The following CCSER1 variants were observed in gnomAD, a reference collection of about 807,000 sequenced individuals.
CCSER1 encodes serine-rich coiled-coil domain-containing protein 1.
CCSER1 carries 41 observed loss-of-function variants against 82.0 expected under a neutral mutation model. That is an observed-to-expected ratio of 0.50 (90% confidence interval 0.39 to 0.65). The LOEUF (loss-of-function observed/expected upper bound fraction) is 0.65, where lower values mean the gene tolerates loss of function less well. Ranked by LOEUF, CCSER1 falls within the 30% of genes least tolerant of loss-of-function variation. The pLI, the probability that CCSER1 is intolerant of heterozygous loss-of-function variation, is 0.00. For missense variants in CCSER1, 1,119 were observed against 1,064.2 expected (o/e 1.05, Z -0.72); for synonymous variants, 414 against 383.9 (o/e 1.08, Z -0.92).
chr4:90,821,706 T>A (rs1759743026), intron 8 of CCSER1, among the ~76,000 whole-genome samples: 1 of 152,200 alleles, frequency 6.6e-6, no homozygotes, highest in South Asian at 2.1e-4. Context: ...ATCATAAGTT[T>A]AATTTATTAC....
intron 5 of CCSER1, among the ~76,000 whole-genome samples, chr4:90,573,049 A>C (rs540073274): frequency 7.9e-5 from 12 of 152,360 alleles, no homozygotes. Context: ...CAGCACTGCC[A>C]GAACCCTGGG....
At chr4:91,350,358 T>C (rs1748391373) in intron 10 of CCSER1, among the ~76,000 whole-genome samples, 1 of 152,182 alleles carries the variant, frequency 6.6e-6, no homozygotes, top group South Asian at 2.1e-4. Context: ...TATACTTACC[T>C]TAAAAACCTG....
At chr4:90,309,848 C>T (rs1004526791) in intron 2 of CCSER1, among the ~76,000 whole-genome samples, 5 of 151,888 alleles carry the variant, frequency 3.3e-5, no homozygotes, top group Non-Finnish European at 7.4e-5. Context: ...CTTATGTTAT[C>T]CATAACTAAG....
At chr4:91,229,061 T>C (rs528127573) in intron 10 of CCSER1, among the ~76,000 whole-genome samples, 24 of 152,088 alleles carry the variant, frequency 1.6e-4, no homozygotes, top group Admixed American at 4.6e-4. Context: ...ATAAATCACA[T>C]TGAATCATCA....
At chr4:90,301,703 G>A (rs539273650) in intron 1 of CCSER1, among the ~76,000 whole-genome samples, 19 of 152,104 alleles carry the variant, frequency 1.2e-4, no homozygotes, top group South Asian at 8.3e-4. Flanking sequence ...TATTATTAAA[G>A]TGACTATGAC....
rs557037697 is a variant in CCSER1, at chr4:91,177,683, A to C, written c.2217+91689A>C. On this transcript the variant is annotated intron_variant, in intron 10 of 10. Transcript: ENST00000509176. Reference sequence around the variant, plus strand: ...TGGTGATATCCCCTTTAACATTTTTAATACATCTATTTGATTCTTCTCTCT... The same window carrying C: ...TGGTGATATCCCCTTTAACATTTTTCATACATCTATTTGATTCTTCTCTCT... 2.3e-3 allele frequency among the ~76,000 whole-genome samples: 356 copies of C among 152,166 alleles called. 2 individuals are homozygous for C. The highest frequency in any genetic ancestry group is 7.9e-3 in the African/African-American group (330 of 41,514).
intron 10 of CCSER1, among the ~76,000 whole-genome samples, chr4:91,152,367 TC>T (rs1056677129): frequency 6.6e-6 from 1 of 152,224 alleles, no homozygotes; most frequent in African/African-American, 2.4e-5. Context: ...CCTATGTGTG[TC>T]TCTGCACATG....
At chr4:91,060,534 G>A (rs1352894417) in intron 9 of CCSER1, among the ~76,000 whole-genome samples, 12 of 152,004 alleles carry the variant, frequency 7.9e-5, no homozygotes, top group Non-Finnish European at 2.9e-5. Flanking sequence ...TCTGAAGCAA[G>A]TTCTTTCAAA....
chr4:91,277,697 C>T (rs536608437), intron 10 of CCSER1, among the ~76,000 whole-genome samples: 1 of 151,208 alleles, frequency 6.6e-6, no homozygotes, highest in Non-Finnish European at 1.5e-5. Flanking sequence ...TCTGCTATGA[C>T]TTTTATTATT....
At chr4:90,931,533 A>C (rs1218208919) in intron 9 of CCSER1, among the ~76,000 whole-genome samples, 1 of 152,176 alleles carries the variant, frequency 6.6e-6, no homozygotes, top group Non-Finnish European at 1.5e-5. Flanking sequence ...CTTCTAATGA[A>C]ATAGTGATAA....
In CCSER1 at chr4:90,824,840, G is replaced by A. The variant is rs147113402; in HGVS notation, c.2094+8995G>A. Reference sequence around the variant, plus strand: ...TACGAACAGAAAAGTAATAGATTAGGTATACTTAAACATTATTAAAGTGTC... The same window carrying A: ...TACGAACAGAAAAGTAATAGATTAGATATACTTAAACATTATTAAAGTGTC... On this transcript the variant is annotated intron_variant, in intron 8 of 10. Transcript: ENST00000509176. Among the ~76,000 whole-genome samples, 192 of 152,144 alleles carry A rather than the reference G, an allele frequency of 1.3e-3. 4 individuals carry two copies. Among genetic ancestry groups the A allele is most frequent in the East Asian group, 2.9e-3 (15 of 5,174 alleles).
chr4:91,164,028 T>C (rs897686391), intron 10 of CCSER1, among the ~76,000 whole-genome samples: 2 of 152,224 alleles, frequency 1.3e-5, no homozygotes, highest in African/African-American at 4.8e-5. Flanking sequence ...CAAGCATCGA[T>C]GGCCTTTACC....
At chr4:90,534,409 G>A (rs1026992635) in intron 5 of CCSER1, among the ~76,000 whole-genome samples, 6 of 151,926 alleles carry the variant, frequency 3.9e-5, no homozygotes, top group African/African-American at 7.3e-5. Flanking sequence ...GATTACAGGC[G>A]TGAGCCACCG....
intron 4 of CCSER1, among the ~76,000 whole-genome samples, chr4:90,440,578 G>A (rs907261899): frequency 2.6e-5 from 4 of 152,156 alleles, no homozygotes; most frequent in Non-Finnish European, 4.4e-5. Context: ...GCAGTTGGTG[G>A]GCAAATGTTC....
chr4:91,591,090 G>A (rs1764244646), intron 10 of CCSER1, among the ~76,000 whole-genome samples: 1 of 152,050 alleles, frequency 6.6e-6, no homozygotes, highest in South Asian at 2.1e-4. Context: ...GTCACAACTG[G>A]GTGACAGAGA....
At chr4:90,169,562 A>G (rs1462339348) in intron 1 of CCSER1, among the ~76,000 whole-genome samples, 1 of 152,088 alleles carries the variant, frequency 6.6e-6, no homozygotes, top group African/African-American at 2.4e-5. Context: ...ACCATTTGAA[A>G]TGAGATATGA....
chr4:90,710,246 G>A (rs1418432114), intron 6 of CCSER1, among the ~76,000 whole-genome samples: 1 of 151,976 alleles, frequency 6.6e-6, no homozygotes, highest in Admixed American at 6.6e-5. Flanking sequence ...TCTCTAGGTT[G>A]TCACTTCATT....
intron 6 of CCSER1, among the ~76,000 whole-genome samples, chr4:90,674,636 A>C (rs570345303): frequency 2.0e-4 from 30 of 152,028 alleles, no homozygotes; most frequent in African/African-American, 6.7e-4. Context: ...TTCACTAAAA[A>C]ATTATTTAAT....
chr4:91,253,044 A>C (rs1340976848), intron 10 of CCSER1, among the ~76,000 whole-genome samples: 1 of 151,944 alleles, frequency 6.6e-6, no homozygotes, highest in African/African-American at 2.4e-5. Flanking sequence ...ATCGAGCTAC[A>C]GTTGACCCTT....
Sources: gnomAD v4.1 joint callset for allele counts (sites outside exome capture counted in the v4.1 genomes callset) on GRCh38, gnomAD v4.1.1 for gene constraint, MANE v1.5 for transcripts, NCBI Gene and HGNC (gene_info 2026-07-23, HGNC 2026-07-21) for gene names.